Variants in TEX9 observed in about 807,000 individuals in gnomAD.
TEX9 encodes the protein testis-expressed protein 9.
In TEX9, 74 loss-of-function variants were observed where a neutral mutation model predicts 59.6. The ratio of observed to expected loss-of-function variants is 1.24; its 90% CI spans 1.03 to 1.51. The LOEUF (loss-of-function observed/expected upper bound fraction) is 1.51. Among genes scored for constraint, TEX9 ranks in the 40% most tolerant of loss-of-function variants. The pLI is 0.00. For missense variants in TEX9, 522 were observed against 447.8 expected (o/e 1.17, Z -1.49); for synonymous variants, 186 against 152.2 (o/e 1.22, Z -1.64).
At chr15:56,426,560 GTGTTT>G (rs1472485819) in intron 10 of TEX9, among the ~76,000 whole-genome samples, 1 of 27,348 alleles carries the variant, frequency 3.7e-5, no homozygotes, top group Non-Finnish European at 8.8e-5. Flanking sequence ...TTTTAAAGAG[GTGTTT>G]TTTTTTTTTT....
chr15:56,286,566 C>G (rs1270645992), intron 1 of TEX9, among the ~76,000 whole-genome samples: 1 of 152,112 alleles, frequency 6.6e-6, no homozygotes, highest in Admixed American at 6.6e-5. Flanking sequence ...TTGTAGAGAC[C>G]ATTGGATATA....
intron 4 of TEX9, among the ~76,000 whole-genome samples, chr15:56,386,466 G>C (rs1247065062): frequency 6.6e-6 from 1 of 151,962 alleles, no homozygotes; most frequent in Non-Finnish European, 1.5e-5. Flanking sequence ...TTTGAACACT[G>C]TTAGTGCCAG....
At chr15:56,445,177 C>T (rs1474401586) in intron 12 of TEX9, among the ~76,000 whole-genome samples, 1 of 151,942 alleles carries the variant, frequency 6.6e-6, no homozygotes, top group Non-Finnish European at 1.5e-5. Flanking sequence ...TGGCCCTTGA[C>T]GTTTCCCCTT....
intron 1 of TEX9, among the ~76,000 whole-genome samples, chr15:56,283,661 A>G (rs1160771548): frequency 2.0e-5 from 3 of 152,198 alleles, no homozygotes; most frequent in Non-Finnish European, 2.9e-5. Flanking sequence ...GGAAAAATAA[A>G]TGTTAGTATT....
intron 1 of TEX9, among the ~76,000 whole-genome samples, chr15:56,252,193 G>A (rs545446971): frequency 6.6e-6 from 1 of 152,042 alleles, no homozygotes; most frequent in African/African-American, 2.4e-5. Context: ...CTCATTGTAG[G>A]CTAATTGTAG....
chr15:56,265,241 C>G (rs542719046), intron 1 of TEX9, among the ~76,000 whole-genome samples: 2 of 150,776 alleles, frequency 1.3e-5, no homozygotes, highest in African/African-American at 4.9e-5. Flanking sequence ...CCATAGCTTA[C>G]TGTAACCTTG....
intron 1 of TEX9, among the ~76,000 whole-genome samples, chr15:56,271,512 T>C (rs2044531206): frequency 6.6e-6 from 1 of 152,156 alleles, no homozygotes; most frequent in South Asian, 2.1e-4. Context: ...TTGGTCAGGC[T>C]GGTCTCAAAC....
At chr15:56,372,728 G>A (rs1331074240) in intron 2 of TEX9, among the ~76,000 whole-genome samples, 1 of 152,124 alleles carries the variant, frequency 6.6e-6, no homozygotes, top group Non-Finnish European at 1.5e-5. Flanking sequence ...AAAATGGATG[G>A]TGGTGGTAGG....
chr15:56,328,560 G>A (rs2046075070), intron 1 of TEX9, among the ~76,000 whole-genome samples: 1 of 152,152 alleles, frequency 6.6e-6, no homozygotes, highest in Non-Finnish European at 1.5e-5. Context: ...CTCACCTGAA[G>A]GGCAAGTCCC....
At chr15:56,437,699 T>A (rs1231649266) in intron 12 of TEX9, among the ~76,000 whole-genome samples, 1 of 152,198 alleles carries the variant, frequency 6.6e-6, no homozygotes, top group Non-Finnish European at 1.5e-5. Context: ...GATGACATGA[T>A]TGTATATTTA....
rs2050279833 is a variant in TEX9, at chr15:56,426,619, A to ATG, written c.964-985_964-984insGT. Among the ~76,000 whole-genome samples the ATG allele has an allele frequency of 4.5e-5, 3 of 67,320 alleles. 1 individual carries two copies. Among genetic ancestry groups the ATG allele is most frequent in the African/African-American group, 1.1e-4 (3 of 28,076 alleles). 44.2% of individuals were successfully genotyped at this position (67,320 alleles called of 152,430 possible). A position where few individuals can be genotyped will look rare whatever the true frequency, so the allele number is the denominator to read the frequency against. ...TATATATATATATATATATATATAT[A>ATG]TATATATACACACACACAAACACAC... is the stretch of plus-strand genomic sequence containing the variant. On this transcript the variant is annotated intron_variant, in intron 10 of 12. Transcript: ENST00000352903.
chr15:56,259,822 A>C (rs1295527838), intron 1 of TEX9, among the ~76,000 whole-genome samples: 1 of 152,080 alleles, frequency 6.6e-6, no homozygotes, highest in African/African-American at 2.4e-5. Context: ...ATAACTTTTG[A>C]AGAATAGCTT....
chr15:56,398,322 A>G (rs1312991460), intron 9 of TEX9: 2 of 126,184 alleles, frequency 1.6e-5, no homozygotes, highest in Non-Finnish European at 3.6e-5. Context: ...TGTTATTAAA[A>G]TTAATTTTAC....
chr15:56,365,506 C>G (rs1260781100), intron 1 of TEX9, 29 bp downstream of exon 1: 5 of 1,614,196 alleles, frequency 3.1e-6, no homozygotes, highest in Non-Finnish European at 3.4e-6. Context: ...TCCTGGGGAG[C>G]GTCTGGGTTC....
intron 1 of TEX9, among the ~76,000 whole-genome samples, chr15:56,320,939 G>T (rs2045888543): frequency 6.6e-6 from 1 of 152,130 alleles, no homozygotes; most frequent in Admixed American, 6.5e-5. Context: ...CCACTAATAT[G>T]CATGAGACAA....
chr15:56,368,950 ATTTT>A (rs1653666112), intron 2 of TEX9, among the ~76,000 whole-genome samples: 1 of 151,900 alleles, frequency 6.6e-6, no homozygotes, highest in Non-Finnish European at 1.5e-5. Flanking sequence ...GGGTGGATTA[ATTTT>A]TTGTTTTTTA....
At chr15:56,429,656 C>T (rs2050511901) in intron 12 of TEX9, 1 of 152,474 alleles carries the variant, frequency 6.6e-6, no homozygotes, top group African/African-American at 2.4e-5. Context: ...GGAGTTAAGC[C>T]ATTTAAGCAA....
chr15:56,443,492 C>A, intron 12 of TEX9: 1 of 1,600,730 alleles, frequency 6.2e-7, no homozygotes, highest in South Asian at 1.2e-5. Flanking sequence ...CGCACTTGTT[C>A]CAAATCTTCA....
At chr15:56,270,324 G>A (rs145523738) in intron 1 of TEX9, among the ~76,000 whole-genome samples, 4,006 of 152,184 alleles carry the variant, frequency 0.026, 173 homozygotes, top group African/African-American at 0.09. Context: ...ATGAATCTGG[G>A]TGCTCCTGTA....
Sources: allele counts gnomAD v4.1 joint callset (sites outside exome capture counted in the v4.1 genomes callset), GRCh38; gene constraint gnomAD v4.1.1; transcripts MANE v1.5; gene names NCBI Gene and HGNC (gene_info 2026-07-23, HGNC 2026-07-21).